Variants in FOXN3 observed in about 807,000 individuals in gnomAD.
The protein encoded by FOXN3 is forkhead box protein N3.
FOXN3 carries 7 observed loss-of-function variants against 38.4 expected under a neutral mutation model. That is an observed-to-expected ratio of 0.18 (90% confidence interval 0.10 to 0.34). The LOEUF (loss-of-function observed/expected upper bound fraction) is 0.34, where lower values mean the gene tolerates loss of function less well. FOXN3 is among the 10% of genes least tolerant of loss of function. The probability of loss-of-function intolerance (pLI) is 1.00; values close to 1 mark genes in which losing one functional copy is unlikely to be tolerated. For missense variants in FOXN3, 456 were observed against 613.4 expected, an observed-to-expected ratio of 0.74 and a Z score of 2.71; for synonymous variants, 230 against 242.2, an observed-to-expected ratio of 0.95 and a Z score of 0.47.
chr14:89,520,011 T>C (rs1894286226), intron 1 of FOXN3, among the ~76,000 whole-genome samples: 1 of 143,724 alleles, frequency 7.0e-6, no homozygotes. Context: ...CTTTTTTTCT[T>C]TTTTTCTTTT....
intron 4 of FOXN3, among the ~76,000 whole-genome samples, chr14:89,253,603 C>T (rs1212352964): frequency 2.0e-5 from 3 of 152,130 alleles, no homozygotes; most frequent in Non-Finnish European, 4.4e-5. Flanking sequence ...TGGGCTACAG[C>T]ACCAAGAAAA....
At chr14:89,452,488 C>T (rs781637611) in intron 1 of FOXN3, among the ~76,000 whole-genome samples, 3 of 152,306 alleles carry the variant, frequency 2.0e-5, no homozygotes, top group East Asian at 1.9e-4. Flanking sequence ...TCATTCTCCC[C>T]GGCCAGGTGT....
At chr14:89,196,854 T>C (rs1888111826) in intron 4 of FOXN3, among the ~76,000 whole-genome samples, 1 of 152,168 alleles carries the variant, frequency 6.6e-6, no homozygotes, top group Non-Finnish European at 1.5e-5. Flanking sequence ...TTTAACAAAC[T>C]AAGAATACAA....
In FOXN3 at chr14:89,163,041, C is replaced by A. The variant is rs1782515856; in HGVS notation, c.852-72G>T. ...ACAGTTAGACGTCCTCAGATGGGGGCACCCGGCAGCCCGCCTGCATTCAAC... is the reference window on the plus strand; with the variant it reads ...ACAGTTAGACGTCCTCAGATGGGGGAACCCGGCAGCCCGCCTGCATTCAAC... On this transcript the variant is annotated intron_variant, in intron 5 of 5. Transcript: ENST00000557258. This position sits in a 1 kb window ranked among gnomAD's most constrained non-coding sequence, Gnocchi z 4.3. 12 of 1,372,284 alleles carry A rather than the reference C, an allele frequency of 8.7e-6. No homozygotes were observed. Among genetic ancestry groups the A allele is most frequent in the Non-Finnish European group, 1.2e-5 (12 of 1,040,132 alleles). 85.0% of individuals were successfully genotyped at this position (1,372,284 alleles called of 1,614,324 possible).
At chr14:89,616,647 T>A (rs75280394) in intron 1 of FOXN3, among the ~76,000 whole-genome samples, 1 of 151,912 alleles carries the variant, frequency 6.6e-6, no homozygotes, top group African/African-American at 2.4e-5. Context: ...CTTCCCCCGA[T>A]GAATCCTCAT....
chr14:89,605,459 G>C (rs947744777), intron 1 of FOXN3, among the ~76,000 whole-genome samples: 1 of 151,066 alleles, frequency 6.6e-6, no homozygotes, highest in Non-Finnish European at 1.5e-5. Flanking sequence ...GAATTCAAAA[G>C]AAAGCAAGAA....
rs114202301 is a variant in FOXN3, at chr14:89,514,945, G to A, written c.-14-102455C>T. On this transcript the variant is annotated intron_variant, in intron 1 of 6. Coordinates refer to the FOXN3 transcript ENST00000345097. ...TTTCCTTTTTTTTTTTTTCTGAGAC[G>A]GAGTCTCGCCGTCTCCTAGGCTGGA... is the stretch of plus-strand genomic sequence containing the variant. Among the ~76,000 whole-genome samples the A allele has an allele frequency of 4.7e-3, 708 of 150,816 alleles. 8 individuals carry two copies. The highest frequency in any genetic ancestry group is 0.016 in the African/African-American group (672 of 40,998).
intron 1 of FOXN3, among the ~76,000 whole-genome samples, chr14:89,603,105 C>T (rs1896191717): frequency 6.6e-6 from 1 of 151,950 alleles, no homozygotes; most frequent in African/African-American, 2.4e-5. Flanking sequence ...TTACCAAGTT[C>T]TAGCTAATGG....
At chr14:89,530,504 G>C (rs1894535191) in intron 1 of FOXN3, among the ~76,000 whole-genome samples, 1 of 152,126 alleles carries the variant, frequency 6.6e-6, no homozygotes, top group African/African-American at 2.4e-5. Context: ...TTACACCTAA[G>C]AATTATGGGA....
intron 1 of FOXN3, among the ~76,000 whole-genome samples, chr14:89,468,847 G>T (rs1200663289): frequency 4.6e-5 from 7 of 152,124 alleles, no homozygotes; most frequent in African/African-American, 1.7e-4. Flanking sequence ...TAATACTGTA[G>T]TGAGAAAATC....
chr14:89,364,708 T>G (rs1890085632), intron 2 of FOXN3: 1 of 152,380 alleles, frequency 6.6e-6, no homozygotes, highest in South Asian at 2.1e-4. Context: ...ACTATTAGTG[T>G]GTCACTTATG....
chr14:89,338,919 G>C (rs1888539494), intron 3 of FOXN3, among the ~76,000 whole-genome samples: 3 of 152,146 alleles, frequency 2.0e-5, no homozygotes, highest in Admixed American at 6.5e-5. Context: ...ACTTTCCCTG[G>C]GCCAGGCACA....
intron 1 of FOXN3, among the ~76,000 whole-genome samples, chr14:89,613,406 C>T (rs1442461604): frequency 1.3e-5 from 2 of 152,150 alleles, no homozygotes; most frequent in East Asian, 1.9e-4. Flanking sequence ...ATCATGAGTA[C>T]ACCCTGGGAC....
chr14:89,240,937 A>AT (rs1885122208), intron 4 of FOXN3, among the ~76,000 whole-genome samples: 1 of 152,166 alleles, frequency 6.6e-6, no homozygotes, highest in African/African-American at 2.4e-5. Context: ...CAGCATGTGT[A>AT]TAGACAGTTT....
rs1050241757 is a variant in FOXN3 at position 89,529,949 on chromosome 14, T to C, written c.-15+89079A>G. 3.2e-4 allele frequency among the ~76,000 whole-genome samples: 48 copies of C among 152,062 alleles called. 1 individual carries two copies. The South Asian group carries it at 9.8e-3, about 31-fold the overall frequency. ...ATATCTGAGACTGTGTAATTTTTTT[T>C]TTTTTTTTTGATACAGGGTCTCACT... On this transcript the variant is annotated intron_variant, in intron 1 of 6. Transcript: ENST00000345097.
At chr14:89,490,983 T>G (rs780172611) in intron 1 of FOXN3, among the ~76,000 whole-genome samples, 20 of 150,466 alleles carry the variant, frequency 1.3e-4, no homozygotes, top group East Asian at 5.8e-4. Flanking sequence ...ATCATTTTTG[T>G]TTTTTTTTGA....
rs899818276 is a variant in FOXN3, at chr14:89,164,479, A to G, written c.852-1510T>C. On this transcript the variant is annotated intron_variant, in intron 5 of 5. Transcript: ENST00000557258. This position sits in a 1 kb window ranked among gnomAD's most constrained non-coding sequence, Gnocchi z 4.3. ...TGACCCCAACTGTAAGTACTCTTAC[A>G]TCCCCTCCATAGAGGGCACTCCCCA... Among the ~76,000 whole-genome samples the G allele has an allele frequency of 5.9e-5, 9 of 152,160 alleles. No individual in the cohort carries two copies. The highest frequency in any genetic ancestry group is 1.3e-4 in the Admixed American group (2 of 15,286).
chr14:89,363,859 G>A (rs1889978395), intron 2 of FOXN3, among the ~76,000 whole-genome samples: 1 of 150,930 alleles, frequency 6.6e-6, no homozygotes, highest in South Asian at 2.1e-4. Flanking sequence ...TGGGAGGACT[G>A]CTTGAGCCTA....
intron 1 of FOXN3, among the ~76,000 whole-genome samples, chr14:89,510,246 A>G (rs1894029871): frequency 6.6e-6 from 1 of 152,218 alleles, no homozygotes; most frequent in African/African-American, 2.4e-5. Flanking sequence ...GAACCCACGC[A>G]TGCCTCCTAA....
Sources: allele counts gnomAD v4.1 joint callset (sites outside exome capture counted in the v4.1 genomes callset), GRCh38; gene constraint gnomAD v4.1.1; non-coding constraint Gnocchi (gnomAD v3.1); transcripts MANE v1.5; gene names NCBI Gene and HGNC (gene_info 2026-07-23, HGNC 2026-07-21).